The following ENPP3 variants were observed in gnomAD, a reference collection of about 807,000 sequenced individuals.
ENPP3 encodes the protein ectonucleotide pyrophosphatase/phosphodiesterase 3, also known as ectonucleotide pyrophosphatase/phosphodiesterase family member 3.
Under a neutral mutation model 117.8 loss-of-function variants are expected in ENPP3, and 104 were observed. That is an observed-to-expected ratio of 0.88 (90% confidence interval 0.75 to 1.04). The LOEUF is 1.04. Among genes scored for constraint, ENPP3 ranks in the 50% least tolerant of loss-of-function variants. The probability of loss-of-function intolerance (pLI) is 0.00; values close to 1 mark genes in which losing one functional copy is unlikely to be tolerated. For synonymous variants in ENPP3, 380 were observed against 349.9 expected (o/e 1.09, Z -0.96); for missense variants, 1,026 against 1,051.9 (o/e 0.98, Z 0.34).
rs181823317 is a variant in ENPP3, at chr6:131,691,871, A to G, written c.1285-1626A>G. The stretch of plus-strand genomic sequence containing the variant: ...TGGAAGTTACAAAAATATTGGCTTA[A>G]GAAAGAAGTAATGATAAATAAAACA... On this transcript the variant is annotated intron_variant, in intron 14 of 24. Coordinates refer to ENST00000357639, the MANE Select transcript of ENPP3 (RefSeq NM_005021.5). 4.6e-5 allele frequency among the ~76,000 whole-genome samples: 7 copies of G among 152,334 alleles called. No individual in the cohort carries two copies. In the East Asian group the frequency reaches 1.4e-3, roughly 29 times the overall value.
chr6:131,732,111 A>C (rs1321152690), intron 20 of ENPP3, among the ~76,000 whole-genome samples: 1 of 152,234 alleles, frequency 6.6e-6, no homozygotes, highest in Non-Finnish European at 1.5e-5. Flanking sequence ...TTTTGCTTTC[A>C]GCACAATGCA....
At position 131,710,755 on chromosome 6, in the gene ENPP3, T is replaced by C; in HGVS notation, c.1413-7917T>C. 2.5e-6 allele frequency: 4 copies of C among 1,612,544 alleles called. No individual in the cohort carries two copies. In the South Asian group the frequency reaches 3.3e-5, roughly 13 times the overall value. On this transcript the variant is annotated intron_variant, in intron 15 of 24. Coordinates refer to ENST00000357639, the MANE Select transcript of ENPP3 (RefSeq NM_005021.5). ...AAACTTTTCAAGTAGTTTACATTTT[T>C]CTTCAATTAGTCCAGAAAGCGTTGC... is the stretch of plus-strand genomic sequence containing the variant.
chr6:131,667,660 G>C (rs1778646169), intron 6 of ENPP3, among the ~76,000 whole-genome samples: 1 of 152,160 alleles, frequency 6.6e-6, no homozygotes, highest in African/African-American at 2.4e-5. Context: ...TCTGGGAATG[G>C]GTATTATGTC....
At position 131,682,490 on chromosome 6, in the gene ENPP3, TC is replaced by T. The variant is rs1779043991; in HGVS notation, c.1012-561del. ...GCCTGGGCAACAGAGTAAGACCCTGTCCCTAAAAATAAATAAATAAATAAAT... is the reference window on the plus strand; with the variant it reads ...GCCTGGGCAACAGAGTAAGACCCTGTCCTAAAAATAAATAAATAAATAAAT... On this transcript the variant is annotated intron_variant, in intron 11 of 24. Transcript: ENST00000357639. Among the ~76,000 whole-genome samples, 17 of 152,132 alleles carry T rather than the reference TC, an allele frequency of 1.1e-4. No individual in the cohort carries two copies. The South Asian group carries it at 3.3e-3, about 30-fold the overall frequency.
chr6:131,684,982 A>G (rs780339315), intron 12 of ENPP3, among the ~76,000 whole-genome samples: 2 of 152,036 alleles, frequency 1.3e-5, no homozygotes, highest in Non-Finnish European at 2.9e-5. Context: ...GATGGGGTTT[A>G]TCATGTTGGC....
Position 131,692,613 on chromosome 6 carries a change from G to T in ENPP3, c.1285-884G>T, listed in dbSNP as rs1779303640. On this transcript the variant is annotated intron_variant, in intron 14 of 24. Transcript: ENST00000357639. ...AGTTGTCATTATCACTCTAAATCTA[G>T]ATGTCTGTCCATTTTCTGTTAAAAA... Among the ~76,000 whole-genome samples the T allele has an allele frequency of 2.0e-5, 3 of 148,330 alleles. No homozygotes were observed. The South Asian group carries it at 6.3e-4, about 31-fold the overall frequency.
At chr6:131,683,730 A>G (rs1248036024) in intron 12 of ENPP3, among the ~76,000 whole-genome samples, 2 of 150,274 alleles carry the variant, frequency 1.3e-5, no homozygotes, top group African/African-American at 4.9e-5. Flanking sequence ...TTTGAAGTAC[A>G]TATGCACTCA....
intron 21 of ENPP3, among the ~76,000 whole-genome samples, chr6:131,734,670 G>A (rs1166847666): frequency 6.6e-6 from 1 of 152,030 alleles, no homozygotes; most frequent in African/African-American, 2.4e-5. Context: ...GCCAAAGTGG[G>A]TGGATCACCT....
At position 131,641,799 on chromosome 6, in the gene ENPP3, G is replaced by GTTTTTTTTTTT. The variant is rs540011427; in HGVS notation, c.154+283_154+293dup. On this transcript the variant is annotated intron_variant, in intron 2 of 24. Transcript: ENST00000357639. ...TTTTCTCTTACCTTTCTCCACCCTG[G>GTTTTTTTTTTT]TTTTTTTTTTTTTTTTTTTTTTTTG... 6.7e-4 allele frequency among the ~76,000 whole-genome samples: 43 copies of GTTTTTTTTTTT among 64,064 alleles called. 6 individuals carry two copies. Among genetic ancestry groups the GTTTTTTTTTTT allele is most frequent in the African/African-American group, 1.5e-3 (20 of 13,512 alleles). 42.0% of individuals were successfully genotyped at this position (64,064 alleles called of 152,430 possible).
rs552358917 is a variant in ENPP3, at chr6:131,644,898, A to G, written c.154+3368A>G. ...AGCCAGGTAACTATTGTGTTCTAGA[A>G]ACCAAGTGCAGAAAGGTTTTATAAG... On this transcript the variant is annotated intron_variant, in intron 2 of 24. Transcript: ENST00000357639. 5.9e-5 allele frequency among the ~76,000 whole-genome samples: 9 copies of G among 152,344 alleles called. No homozygotes were observed. In the East Asian group the frequency reaches 1.7e-3, roughly 29 times the overall value.
In ENPP3 at chr6:131,656,976, T is replaced by G. The variant is rs545205941; in HGVS notation, c.465-1347T>G. Reference sequence around the variant, plus strand: ...TTCCACTCTTGATCCCAGAGACAAGTGACCCTGTCTTTAATCTCTTCCAAG... The same window carrying G: ...TTCCACTCTTGATCCCAGAGACAAGGGACCCTGTCTTTAATCTCTTCCAAG... On this transcript the variant is annotated intron_variant, in intron 5 of 24. Transcript: ENST00000357639. 2.6e-5 allele frequency among the ~76,000 whole-genome samples: 4 copies of G among 152,310 alleles called. No homozygotes were observed. In the East Asian group the frequency reaches 7.7e-4, roughly 29 times the overall value.
chr6:131,685,816 T>C (rs1317706314), intron 13 of ENPP3, 60 bp from the exon 14 acceptor site: 2 of 726,852 alleles, frequency 2.8e-6, no homozygotes, highest in East Asian at 5.5e-5. Context: ...GTGGTTCACA[T>C]TCTTTGCATT....
At chr6:131,722,089 T>A in intron 17 of ENPP3, 138 bp from the exon 18 acceptor site, 1 of 626,126 alleles carries the variant, frequency 1.6e-6, no homozygotes, top group South Asian at 2.0e-5. Context: ...CTGAATGGCA[T>A]ATAGAGTACA....
At chr6:131,675,561 C>T (rs1778848541) in intron 9 of ENPP3, among the ~76,000 whole-genome samples, 1 of 152,126 alleles carries the variant, frequency 6.6e-6, no homozygotes. Context: ...GGTGCGGTGG[C>T]TCATGCCTGT....
chr6:131,717,173 G>A (rs1001251972), intron 15 of ENPP3, among the ~76,000 whole-genome samples: 6 of 152,076 alleles, frequency 3.9e-5, no homozygotes, highest in Non-Finnish European at 8.8e-5. Flanking sequence ...AGTTGAGTGA[G>A]TGTGGCCTGG....
At chr6:131,641,357 C>T in intron 1 of ENPP3, 98 bp from the exon 2 acceptor site, 1 of 689,778 alleles carries the variant, frequency 1.4e-6, no homozygotes, top group Non-Finnish European at 2.5e-6. Flanking sequence ...AACTAGTACG[C>T]TGCAGGTACT....
At chr6:131,716,841 C>T (rs1585709623) in intron 15 of ENPP3, among the ~76,000 whole-genome samples, 1 of 149,498 alleles carries the variant, frequency 6.7e-6, no homozygotes, top group South Asian at 2.1e-4. Flanking sequence ...TGTGGTGGCA[C>T]ATGCCTGTAG....
chr6:131,684,032 T>C (rs1302370372), intron 12 of ENPP3, among the ~76,000 whole-genome samples: 2 of 152,136 alleles, frequency 1.3e-5, no homozygotes, highest in African/African-American at 4.8e-5. Flanking sequence ...ATTACAGGAG[T>C]GCGCCACCGG....
intron 2 of ENPP3, among the ~76,000 whole-genome samples, chr6:131,646,270 T>TAC (rs986718974): frequency 2.3e-5 from 3 of 132,528 alleles, no homozygotes; most frequent in African/African-American, 7.0e-5. Context: ...AGGCTCTCAA[T>TAC]ACTCTGTGTG....
Sources: gnomAD v4.1 joint callset for allele counts (sites outside exome capture counted in the v4.1 genomes callset) on GRCh38, gnomAD v4.1.1 for gene constraint, MANE v1.5 for transcripts, NCBI Gene and HGNC (gene_info 2026-07-23, HGNC 2026-07-21) for gene names.